Variants in ANKRD44 observed in about 807,000 individuals in gnomAD.
The protein encoded by ANKRD44 is ankyrin repeat domain 44.
ANKRD44 carries 35 observed loss-of-function variants against 116.0 expected under a neutral mutation model. That is an observed-to-expected ratio of 0.30 (90% CI 0.23 to 0.40). ANKRD44 has a LOEUF of 0.40. Ranked by LOEUF, ANKRD44 falls within the 10% of genes least tolerant of loss-of-function variation. The pLI, the probability that ANKRD44 is intolerant of heterozygous loss-of-function variation, is 1.00. For synonymous variants in ANKRD44, 435 were observed against 461.8 expected, an observed-to-expected ratio of 0.94 and a Z score of 0.74; for missense variants, 1,014 against 1,242.6, an observed-to-expected ratio of 0.82 and a Z score of 2.77.
chr2:197,132,242 G>T (rs2125370494), intron 4 of ANKRD44, among the ~76,000 whole-genome samples: 1 of 152,216 alleles, frequency 6.6e-6, no homozygotes, highest in East Asian at 1.9e-4. Flanking sequence ...GTAGGAAAGG[G>T]TCGTGGAATT....
Position 197,105,258 on chromosome 2 carries a change from C to T in ANKRD44, c.986-5328G>A, listed in dbSNP as rs1166341139. Among the ~76,000 whole-genome samples the T allele has an allele frequency of 1.2e-4, 19 of 152,086 alleles. No individual in the cohort carries two copies. In the East Asian group the frequency reaches 3.7e-3, roughly 29 times the overall value. ...CCTCCCGAGTAGCTGGGATTATAAGCACATGCCATCATGCTCAGCTAATTT... is the reference window on the plus strand; with the variant it reads ...CCTCCCGAGTAGCTGGGATTATAAGTACATGCCATCATGCTCAGCTAATTT... On this transcript the variant is annotated intron_variant, in intron 9 of 27. Transcript: ENST00000282272.
At chr2:197,010,240 C>T (rs2076273082) in intron 18 of ANKRD44, among the ~76,000 whole-genome samples, 1 of 152,196 alleles carries the variant, frequency 6.6e-6, no homozygotes, top group African/African-American at 2.4e-5. Context: ...CAAAACCTCA[C>T]GCCGGCTGGG....
intron 16 of ANKRD44, among the ~76,000 whole-genome samples, chr2:197,061,510 G>A (rs1217411600): frequency 1.3e-5 from 2 of 152,190 alleles, no homozygotes; most frequent in East Asian, 3.9e-4. Context: ...AAAAACAGGA[G>A]AAGAAGAAAA....
intron 16 of ANKRD44, among the ~76,000 whole-genome samples, chr2:197,044,088 C>A (rs1574338703): frequency 1.3e-5 from 2 of 152,140 alleles, no homozygotes. Context: ...TACTGTATTT[C>A]TTGGAATTTT....
chr2:197,067,259 C>T (rs867470251), intron 16 of ANKRD44, among the ~76,000 whole-genome samples: 16 of 152,080 alleles, frequency 1.1e-4, no homozygotes, highest in South Asian at 2.1e-4. Flanking sequence ...GGATCCCTTC[C>T]TTACATCTTA....
chr2:197,219,791 G>A (rs939379194), intron 1 of ANKRD44, among the ~76,000 whole-genome samples: 7 of 151,958 alleles, frequency 4.6e-5, no homozygotes, highest in Admixed American at 3.9e-4. Flanking sequence ...GGATGCAAAG[G>A]AAGCTCAAAT....
Position 197,000,475 on chromosome 2 carries a change from T to C in ANKRD44, c.2463A>G (p.Ser821=). Reference sequence around the variant, plus strand: ...TGGAATCTATGGCCCCAAGCAGCAATGATGCACAATTCCCATGATCATTGA... The same window carrying C: ...TGGAATCTATGGCCCCAAGCAGCAACGATGCACAATTCCCATGATCATTGA... ...AIINDHGNCA[S]LLLGAIDSSI... The change falls in exon 23 of 28, where the codon TCA becomes TCG. Residue 821 remains serine, a synonymous_variant. Transcript: ENST00000282272. The C allele has an allele frequency of 1.2e-6, 2 of 1,614,106 alleles. No individual in the cohort carries two copies. The highest frequency in any genetic ancestry group is 2.2e-5 in the East Asian group (1 of 44,862).
intron 13 of ANKRD44, among the ~76,000 whole-genome samples, chr2:197,086,110 G>A (rs2077915946): frequency 6.6e-6 from 1 of 151,964 alleles, no homozygotes; most frequent in Non-Finnish European, 1.5e-5. Flanking sequence ...CCCAGAGAAG[G>A]AGGGTACATG....
chr2:197,123,450 G>A (rs747073408), intron 6 of ANKRD44, among the ~76,000 whole-genome samples: 2 of 152,006 alleles, frequency 1.3e-5, no homozygotes, highest in Non-Finnish European at 2.9e-5. Flanking sequence ...GTACAACATG[G>A]TGAAACCCCA....
chr2:197,195,373 C>T (rs760081027), intron 1 of ANKRD44, among the ~76,000 whole-genome samples: 1 of 152,126 alleles, frequency 6.6e-6, no homozygotes, highest in Non-Finnish European at 1.5e-5. Context: ...AAAGTGTACA[C>T]TGAGTACTGG....
At chr2:197,135,122 A>G (rs564598147) in intron 4 of ANKRD44, 1 of 152,336 alleles carries the variant, frequency 6.6e-6, no homozygotes, top group African/African-American at 2.4e-5. Context: ...AAGAAAAACC[A>G]TGACTACTAA....
chr2:197,163,575 G>A (rs148854436), intron 2 of ANKRD44, among the ~76,000 whole-genome samples: 424 of 152,352 alleles, frequency 2.8e-3, no homozygotes, highest in East Asian at 0.016. Flanking sequence ...AGGAAATCTA[G>A]ATGTTGGAAC....
chr2:197,099,941 T>C lies in ANKRD44; in HGVS notation c.986-11A>G, dbSNP rs373475172. The stretch of plus-strand genomic sequence containing the variant: ...AGTCAATTTCACCTCCTGAAAGAGA[T>C]ATTTTAATACAGGATAACGCAAGGA... On this transcript the variant is annotated splice_polypyrimidine_tract_variant and intron_variant, in intron 9 of 27. Transcript: ENST00000282272. 3.1e-6 allele frequency: 5 copies of C among 1,612,360 alleles called. No homozygotes were observed. The highest frequency in any genetic ancestry group is 4.2e-6 in the Non-Finnish European group (5 of 1,178,420).
At chr2:197,262,155 T>C (rs529519824) in intron 1 of ANKRD44, among the ~76,000 whole-genome samples, 13 of 152,318 alleles carry the variant, frequency 8.5e-5, no homozygotes, top group African/African-American at 2.6e-4. Context: ...TACAGCACTC[T>C]GGGCAGAGAG....
At chr2:197,213,310 A>G (rs1455091753) in intron 1 of ANKRD44, among the ~76,000 whole-genome samples, 1 of 152,236 alleles carries the variant, frequency 6.6e-6, no homozygotes, top group Non-Finnish European at 1.5e-5. Flanking sequence ...TTTAATGTAG[A>G]CAATGTTATT....
intron 1 of ANKRD44, among the ~76,000 whole-genome samples, chr2:197,219,401 G>C (rs565526632): frequency 6.6e-6 from 1 of 152,146 alleles, no homozygotes; most frequent in East Asian, 1.9e-4. Context: ...TTTTCAAGTG[G>C]ATAGTTCTGT....
intron 1 of ANKRD44, among the ~76,000 whole-genome samples, chr2:197,194,182 G>T (rs2125631617): frequency 6.6e-6 from 1 of 152,286 alleles, no homozygotes; most frequent in East Asian, 1.9e-4. Context: ...GCTTTTACAG[G>T]CCTGGGAGCA....
At chr2:197,086,143 G>A (rs2077916906) in intron 13 of ANKRD44, among the ~76,000 whole-genome samples, 1 of 148,396 alleles carries the variant, frequency 6.7e-6, no homozygotes, top group Non-Finnish European at 1.5e-5. Context: ...GTAAAGAGAT[G>A]CAATGGGAAA....
chr2:197,194,973 T>C (rs1157930661), intron 1 of ANKRD44, among the ~76,000 whole-genome samples: 1 of 152,066 alleles, frequency 6.6e-6, no homozygotes, highest in Non-Finnish European at 1.5e-5. Flanking sequence ...GTTAGAAAAA[T>C]GAATAACTGG....
Sources: gnomAD v4.1 joint callset for allele counts (sites outside exome capture counted in the v4.1 genomes callset) on GRCh38, gnomAD v4.1.1 for gene constraint, MANE v1.5 for transcripts, NCBI Gene and HGNC (gene_info 2026-07-23, HGNC 2026-07-21) for gene names.